SCN9A: variants seen among roughly 807,000 people sequenced by gnomAD.
The protein encoded by SCN9A is sodium voltage-gated channel alpha subunit 9.
Under a neutral mutation model 187.0 loss-of-function variants are expected in SCN9A, and 131 were observed. The ratio of observed to expected loss-of-function variants is 0.70; its 90% CI spans 0.61 to 0.81. SCN9A has a LOEUF of 0.81. SCN9A is among the 30% of genes least tolerant of loss of function. The probability of loss-of-function intolerance (pLI) is 0.00; values close to 1 mark genes in which losing one functional copy is unlikely to be tolerated. For synonymous variants in SCN9A, 809 were observed against 808.6 expected (o/e 1.00, Z -0.01); for missense variants, 2,252 against 2,396.6 (o/e 0.94, Z 1.26).
intron 1 of SCN9A, among the ~76,000 whole-genome samples, chr2:166,352,236 C>T (rs566902157): frequency 6.6e-6 from 1 of 152,126 alleles, no homozygotes; most frequent in African/African-American, 2.4e-5. Context: ...CTATACTACT[C>T]ATGGATTTAT....
At chr2:166,296,468 C>G (rs949831193) in intron 7 of SCN9A, among the ~76,000 whole-genome samples, 14 of 152,164 alleles carry the variant, frequency 9.2e-5, no homozygotes, top group Admixed American at 2.6e-4. Context: ...CACTCCTGAA[C>G]CTCGGGAAGG....
intron 12 of SCN9A, 52 bp from the exon 13 acceptor site, chr2:166,281,860 G>A (rs1574859898): frequency 6.6e-7 from 1 of 1,526,042 alleles, no homozygotes; most frequent in East Asian, 2.3e-5. Flanking sequence ...ATAAATTGTA[G>A]GTATAAGATA....
chr2:166,269,356 C>T (rs1334525143), intron 17 of SCN9A, among the ~76,000 whole-genome samples: 1 of 151,862 alleles, frequency 6.6e-6, no homozygotes, highest in Non-Finnish European at 1.5e-5. Flanking sequence ...ATCTGCATGC[C>T]ACAGATATAT....
Position 166,307,005 on chromosome 2 carries a change from A to G in SCN9A, c.328T>C (p.Ser110Pro), listed in dbSNP as rs201503351. The change falls in exon 3 of 27, where the codon TCT becomes CCT. Residue 110 changes from serine to proline, a missense_variant. By Grantham distance (74) the Ser-to-Pro change is moderately conservative. This residue lies in a region of SCN9A where 1,013 missense variants were observed against 997.4 expected (regional missense o/e 1.02). Transcript: ENST00000642356. ...ATTCTTCTTAGAGGACTGAAAGGAG[A>G]AAGCATATATAAAGCAGGTGTGGCA... ...FNATPALYMLSPFSPLRRISI... is the reference protein window; with the variant it reads ...FNATPALYMLPPFSPLRRISI... The G allele has an allele frequency of 1.5e-5, 24 of 1,611,582 alleles. No homozygotes were observed. In the African/African-American group the frequency reaches 3.2e-4, roughly 22 times the overall value.
intron 20 of SCN9A, 76 bp downstream of exon 20, chr2:166,238,018 G>T: frequency 1.0e-6 from 1 of 983,086 alleles, no homozygotes; most frequent in Non-Finnish European, 1.5e-6. Flanking sequence ...ATGATAATAT[G>T]CAATAGTGGT....
chr2:166,331,145 A>T (rs1465964861), intron 1 of SCN9A, among the ~76,000 whole-genome samples: 1 of 152,210 alleles, frequency 6.6e-6, no homozygotes, highest in Non-Finnish European at 1.5e-5. Flanking sequence ...AAATTTTATT[A>T]ATTTACTCCT....
chr2:166,322,028 C>T (rs971759425), intron 1 of SCN9A, among the ~76,000 whole-genome samples: 6 of 152,084 alleles, frequency 3.9e-5, no homozygotes, highest in African/African-American at 7.2e-5. Flanking sequence ...TATTTTAAAA[C>T]GCTGATCTTC....
In SCN9A at chr2:166,199,936, AG is replaced by A. The variant is rs1574694467; in HGVS notation, c.4775-73del. 50 of 898,208 alleles carry A rather than the reference AG, an allele frequency of 5.6e-5. No individual in the cohort carries two copies. In the East Asian group the frequency reaches 1.9e-3, roughly 35 times the overall value. 55.6% of individuals were successfully genotyped at this position (898,208 alleles called of 1,614,324 possible). A position where few individuals can be genotyped will look rare whatever the true frequency, so the allele number is the denominator to read the frequency against. On this transcript the variant is annotated intron_variant, in intron 26 of 26. Transcript: ENST00000642356. ...GCTACCTGAAATGATGACTCTAAACAGTTTTATCTGTCAACTCATTTCTTAT... is the reference window on the plus strand; with the variant it reads ...GCTACCTGAAATGATGACTCTAAACATTTTATCTGTCAACTCATTTCTTAT...
At chr2:166,300,296 T>C (rs919300278) in intron 7 of SCN9A, among the ~76,000 whole-genome samples, 3 of 150,862 alleles carry the variant, frequency 2.0e-5, no homozygotes, top group African/African-American at 7.5e-5. Flanking sequence ...TTTAAACCCA[T>C]ACCCTCCCTT....
At chr2:166,289,624 A>T (rs1198994074) in intron 9 of SCN9A, among the ~76,000 whole-genome samples, 1 of 152,148 alleles carries the variant, frequency 6.6e-6, no homozygotes, top group Non-Finnish European at 1.5e-5. Flanking sequence ...TGCTATTGTG[A>T]ATAGTGCCAC....
intron 24 of SCN9A, among the ~76,000 whole-genome samples, chr2:166,208,724 G>T (rs1430985654): frequency 6.6e-6 from 1 of 152,162 alleles, no homozygotes; most frequent in Admixed American, 6.5e-5. Context: ...TTAGAAAGAG[G>T]CATGGGTAGT....
chr2:166,251,397 C>A (rs1327326316), intron 18 of SCN9A, among the ~76,000 whole-genome samples: 1 of 152,016 alleles, frequency 6.6e-6, no homozygotes, highest in Admixed American at 6.6e-5. Context: ...AAACAGTTTT[C>A]TGAGAGTTAG....
chr2:166,324,966 G>A (rs1050369506), intron 1 of SCN9A, among the ~76,000 whole-genome samples: 1 of 152,128 alleles, frequency 6.6e-6, no homozygotes, highest in Non-Finnish European at 1.5e-5. Context: ...AAGGGCATTT[G>A]TTAATAATAA....
Position 166,272,769 on chromosome 2 carries a change from C to T in SCN9A, c.2981G>A (p.Arg994Lys). ...CACATAATTTATTCCCTTTTTAATT[C>T]TAGTCACTGCAATCTGGAGGTTGTT... ...DANNLQIAVTRIKKGINYVKQ... is the reference protein window; with the variant it reads ...DANNLQIAVTKIKKGINYVKQ... The change falls in exon 17 of 27, where the codon AGA (arginine) becomes AAA (lysine). Residue 994 changes from arginine to lysine, a missense_variant. Physicochemically the swap from Arg to Lys is conservative, Grantham distance 26. Around this residue, in one of 7 missense-constraint regions of SCN9A, gnomAD observed 313 missense variants for 295.3 expected, o/e 1.06. Coordinates refer to ENST00000642356, the MANE Select transcript of SCN9A (RefSeq NM_001365536.1). 6.5e-7 allele frequency: 1 copy of T among 1,536,010 alleles called. No individual in the cohort carries two copies. The highest frequency in any genetic ancestry group is 8.7e-7 in the Non-Finnish European group (1 of 1,145,204).
chr2:166,204,249 C>A, intron 25 of SCN9A, 24 bp from the exon 26 acceptor site: 1 of 1,597,020 alleles, frequency 6.3e-7, no homozygotes, highest in Non-Finnish European at 8.5e-7. Context: ...AGAATAATAT[C>A]GAATGCAGAG....
At chr2:166,242,967 G>A (rs1695633404) in intron 18 of SCN9A, among the ~76,000 whole-genome samples, 1 of 152,060 alleles carries the variant, frequency 6.6e-6, no homozygotes, top group Non-Finnish European at 1.5e-5. Context: ...ATGAATGAAT[G>A]AACTAAAATC....
At chr2:166,309,019 A>T (rs1698854185) in intron 2 of SCN9A, among the ~76,000 whole-genome samples, 2 of 151,832 alleles carry the variant, frequency 1.3e-5, no homozygotes, top group African/African-American at 4.8e-5. Context: ...ATAAGGCATG[A>T]GTTTTGTATT....
At position 166,288,473 on chromosome 2, in the gene SCN9A, C is replaced by G. The variant is rs558239794; in HGVS notation, c.1278G>C (p.Met426Ile). Reference protein sequence around the residue: ...AKQKELEFQQMLDRLKKEQEE... With the variant: ...AKQKELEFQQILDRLKKEQEE... The stretch of plus-strand genomic sequence containing the variant: ...CTTGCTCTTTTTTAAGACGGTCTAA[C>G]ATCTGTTGAAATTCTAATTCTTTCT... Residue 426 changes from methionine to isoleucine, a missense_variant, in exon 10 of 27, where the codon ATG becomes ATC. Physicochemically the swap from Met to Ile is conservative, Grantham distance 10. Coordinates refer to ENST00000642356, the MANE Select transcript of SCN9A (RefSeq NM_001365536.1). 1 of 1,612,508 alleles carries G rather than the reference C, an allele frequency of 6.2e-7. No homozygotes were observed. The highest frequency in any genetic ancestry group is 1.7e-5 in the Admixed American group (1 of 59,932).
At chr2:166,362,070 G>T (rs1251528718) in intron 1 of SCN9A, among the ~76,000 whole-genome samples, 1 of 152,022 alleles carries the variant, frequency 6.6e-6, no homozygotes, top group Non-Finnish European at 1.5e-5. Context: ...CAAAACTAGT[G>T]ACATCTACTC....
Sources: allele counts gnomAD v4.1 joint callset (sites outside exome capture counted in the v4.1 genomes callset), GRCh38; gene constraint gnomAD v4.1.1; regional missense constraint gnomAD v4.1.1; transcripts MANE v1.5; gene names NCBI Gene and HGNC (gene_info 2026-07-23, HGNC 2026-07-21).